CEP295: variants seen among roughly 807,000 people sequenced by gnomAD.
The protein encoded by CEP295 is centrosomal protein of 295 kDa.
In CEP295, 190 loss-of-function variants were observed where a neutral mutation model predicts 291.6. That is an observed-to-expected ratio of 0.65 (90% CI 0.58 to 0.73). The LOEUF is 0.73. CEP295 is among the 30% of genes least tolerant of loss of function. The pLI is 0.00. For synonymous variants in CEP295, 993 were observed against 1,038.8 expected, an observed-to-expected ratio of 0.96 and a Z score of 0.85; for missense variants, 2,863 against 2,949.4, an observed-to-expected ratio of 0.97 and a Z score of 0.68.
intron 19 of CEP295, 95 bp from the exon 20 acceptor site, chr11:93,721,859 T>G: frequency 1.2e-6 from 1 of 813,608 alleles, no homozygotes; most frequent in Non-Finnish European, 2.1e-6. Context: ...ACACTTGACC[T>G]GAGCTCAGAA....
intron 26 of CEP295, 21 bp downstream of exon 26, chr11:93,729,551 A>G (rs892530314): frequency 6.5e-7 from 1 of 1,550,162 alleles, no homozygotes; most frequent in Non-Finnish European, 8.7e-7. Context: ...GACGGCCTCC[A>G]CACTTCTAAT....
At chr11:93,708,190 A>C (rs1020640556) in intron 18 of CEP295, among the ~76,000 whole-genome samples, 4 of 152,204 alleles carry the variant, frequency 2.6e-5, no homozygotes, top group African/African-American at 9.6e-5. Flanking sequence ...ATTCAATTAT[A>C]GTTTTAGTTA....
chr11:93,673,409 C>T (rs1950539007), intron 5 of CEP295, among the ~76,000 whole-genome samples: 1 of 152,136 alleles, frequency 6.6e-6, no homozygotes, highest in Admixed American at 6.5e-5. Context: ...GGATGTATAT[C>T]CAGGTATTTG....
At chr11:93,663,265 T>C (rs1421064472) in intron 1 of CEP295, among the ~76,000 whole-genome samples, 2 of 152,242 alleles carry the variant, frequency 1.3e-5, no homozygotes. Flanking sequence ...ACTGCATGGC[T>C]GTCTAAGAGG....
intron 19 of CEP295, 133 bp downstream of exon 19, chr11:93,721,545 C>A (rs1305109506): frequency 1.3e-6 from 1 of 785,010 alleles, no homozygotes; most frequent in African/African-American, 1.7e-5. Context: ...TGAAGTGGAT[C>A]AATGATGAAA....
In CEP295 at chr11:93,723,001, C is replaced by A. The variant is rs774639425; in HGVS notation, c.5948-40C>A. The A allele has an allele frequency of 3.0e-5, 46 of 1,530,120 alleles. No individual in the cohort carries two copies. The South Asian group carries it at 4.8e-4, about 16-fold the overall frequency. 94.8% of individuals were successfully genotyped at this position (1,530,120 alleles called of 1,614,324 possible). On this transcript the variant is annotated intron_variant, in intron 20 of 29. Coordinates refer to ENST00000325212, the MANE Select transcript of CEP295 (RefSeq NM_033395.2). Reference sequence around the variant, plus strand: ...GGTATTACAGGCGTGAGCCATCACGCCTGGCCTATTTACATATTTTCATTA... The same window carrying A: ...GGTATTACAGGCGTGAGCCATCACGACTGGCCTATTTACATATTTTCATTA...
chr11:93,697,049 TTC>T lies in CEP295; in HGVS notation c.2142_2143del (p.Gln715AspfsTer2). 1 of 1,551,608 alleles carries T rather than the reference TTC, an allele frequency of 6.4e-7. No homozygotes were observed. Among genetic ancestry groups the T allele is most frequent in the Non-Finnish European group, 8.7e-7 (1 of 1,146,986 alleles). On this transcript the variant is annotated frameshift_variant, in exon 15 of 30. Transcript: ENST00000325212. LOFTEE classifies it high-confidence loss of function. The stretch of plus-strand genomic sequence containing the variant: ...AGAATCACAAGAACATCTAAGGCAA[TTC>T]TCTCAGACTGAAACACAACAGAGAG... ...ALESQEHLRQ[F>X]SQTETQQRDY...
At chr11:93,668,274 C>T (rs926416466) in intron 3 of CEP295, among the ~76,000 whole-genome samples, 1 of 152,152 alleles carries the variant, frequency 6.6e-6, no homozygotes, top group Non-Finnish European at 1.5e-5. Context: ...ATACAGTAAA[C>T]AAGCTAGTTA....
chr11:93,680,951 CCCTT>C lies in CEP295; in HGVS notation c.765+1400_765+1403del, dbSNP rs1950928800. ...AGTTTGAACTAAATCATGAGCTTCT[CCCTT>C]AAATTTTTAGCTTTCATAAACTAGG... On this transcript the variant is annotated intron_variant, in intron 7 of 29. Transcript: ENST00000325212. Among the ~76,000 whole-genome samples, 4 of 152,076 alleles carry C rather than the reference CCCTT, an allele frequency of 2.6e-5. 1 individual carries two copies. Among genetic ancestry groups the C allele is most frequent in the Admixed American group, 2.6e-4 (4 of 15,270 alleles).
At chr11:93,672,292 T>C (rs1950489650) in intron 5 of CEP295, among the ~76,000 whole-genome samples, 1 of 152,228 alleles carries the variant, frequency 6.6e-6, no homozygotes, top group African/African-American at 2.4e-5. Context: ...CATAATCTTT[T>C]CATAGGTCTG....
intron 15 of CEP295, among the ~76,000 whole-genome samples, 173 bp downstream of exon 15, chr11:93,700,359 A>G (rs1952074308): frequency 6.6e-6 from 1 of 151,650 alleles, no homozygotes; most frequent in South Asian, 2.1e-4. Context: ...ATCCACCCAC[A>G]TGGTGTTTAT....
In CEP295 at chr11:93,700,180, C is replaced by T; in HGVS notation, c.5268C>T (p.Asp1756=). Residue 1756 remains aspartate, a synonymous_variant, in exon 15 of 30, where the codon GAC becomes GAT. Coordinates refer to ENST00000325212, the MANE Select transcript of CEP295 (RefSeq NM_033395.2). ...HEETLKDFFK[D]SQISKPTVEN... is the part of the protein sequence containing the mutation. ...AGACTTTGAAGGATTTCTTTAAAGA[C>T]AGTCAGGTATGTTTTAAACCTGAAT... 6.5e-7 allele frequency: 1 copy of T among 1,545,848 alleles called. No homozygotes were observed. Among genetic ancestry groups the T allele is most frequent in the Non-Finnish European group, 8.7e-7 (1 of 1,144,956 alleles).
At chr11:93,673,086 A>C (rs1233312165) in intron 5 of CEP295, among the ~76,000 whole-genome samples, 1 of 152,222 alleles carries the variant, frequency 6.6e-6, no homozygotes, top group Non-Finnish European at 1.5e-5. Context: ...CGTAGAGTGA[A>C]GCATTCTAAT....
chr11:93,706,831 G>C lies in CEP295; in HGVS notation c.5683G>C (p.Asp1895His), dbSNP rs772828192. 1 of 1,550,646 alleles carries C rather than the reference G, an allele frequency of 6.4e-7. No individual in the cohort carries two copies. The highest frequency in any genetic ancestry group is 2.4e-5 in the East Asian group (1 of 40,878). The change falls in exon 18 of 30, where the codon GAT becomes CAT. Residue 1895 changes from aspartate (D) to histidine (H), a missense_variant. By Grantham distance (81) the Asp-to-His change is moderately conservative. This residue lies in a region of CEP295 where 2,295 missense variants were observed against 2,335.7 expected (regional missense o/e 0.98). Transcript: ENST00000325212. ...QSFFGSPLAH[D>H]PFSCLQLVGQ... ...TTTCTTTGGGAGCCCACTGGCCCAT[G>C]ATCCGTTTAGTTGTCTTCAACTGGT...
rs535256753 is a variant in CEP295, at chr11:93,685,481, CT to C, written c.1114+1354del. Among the ~76,000 whole-genome samples, 9 of 152,270 alleles carry C rather than the reference CT, an allele frequency of 5.9e-5. No homozygotes were observed. In the East Asian group the frequency reaches 1.7e-3, roughly 29 times the overall value. On this transcript the variant is annotated intron_variant, in intron 9 of 29. Coordinates refer to ENST00000325212, the MANE Select transcript of CEP295 (RefSeq NM_033395.2). ...TGAGGGCTCTAGGCCTTATTCATGT[CT>C]CCTATGCCTACATTGTTGTCCAAAC...
intron 18 of CEP295, among the ~76,000 whole-genome samples, chr11:93,707,614 G>T (rs1275090579): frequency 6.6e-6 from 1 of 151,934 alleles, no homozygotes; most frequent in Non-Finnish European, 1.5e-5. Context: ...CAAAAAATTG[G>T]CCGGGTGTAG....
intron 6 of CEP295, 24 bp downstream of exon 6, chr11:93,675,690 T>A: frequency 8.8e-7 from 1 of 1,138,136 alleles, no homozygotes; most frequent in Non-Finnish European, 1.2e-6. Flanking sequence ...TGTTTCTTCA[T>A]GCCCTCGCTT....
intron 18 of CEP295, among the ~76,000 whole-genome samples, chr11:93,716,088 CTAAA>C (rs1177216500): frequency 6.6e-6 from 1 of 152,138 alleles, no homozygotes; most frequent in African/African-American, 2.4e-5. Context: ...TCTTTGTGGC[CTAAA>C]CAGCCTTTCA....
chr11:93,727,357 A>G lies in CEP295; in HGVS notation c.6881A>G (p.Gln2294Arg), dbSNP rs1954227833. 1.3e-6 allele frequency: 2 copies of G among 1,551,364 alleles called. No individual in the cohort carries two copies. Among genetic ancestry groups the G allele is most frequent in the South Asian group, 1.2e-5 (1 of 84,008 alleles). ...LSKRGVVTML[Q>R]SQGLIEDNKN... is the part of the protein sequence containing the mutation. ...AAAAGAGGGGTTGTTACAATGTTACAAAGTCAAGGACTCATTGAAGATAAT... is the reference window on the plus strand; with the variant it reads ...AAAAGAGGGGTTGTTACAATGTTACGAAGTCAAGGACTCATTGAAGATAAT... The change falls in exon 24 of 30, where the codon CAA becomes CGA. Residue 2294 changes from glutamine (Q) to arginine (R), a missense_variant. Physicochemically the swap from Gln to Arg is conservative, Grantham distance 43. This residue lies in a region of CEP295 where 2,295 missense variants were observed against 2,335.7 expected (regional missense o/e 0.98). Coordinates refer to ENST00000325212, the MANE Select transcript of CEP295 (RefSeq NM_033395.2).
Sources: gnomAD v4.1 joint callset for allele counts (sites outside exome capture counted in the v4.1 genomes callset) on GRCh38, gnomAD v4.1.1 for gene constraint, gnomAD v4.1.1 regional missense constraint, MANE v1.5 for transcripts, NCBI Gene and HGNC (gene_info 2026-07-23, HGNC 2026-07-21) for gene names.